TAOK1: variants seen among roughly 807,000 people sequenced by gnomAD.
TAOK1 encodes the protein TAO kinase 1.
Under a neutral mutation model 138.3 loss-of-function variants are expected in TAOK1, and 21 were observed. That is an observed-to-expected ratio of 0.15 (90% confidence interval 0.11 to 0.22). The LOEUF is 0.22. Among genes scored for constraint, TAOK1 ranks in the 10% least tolerant of loss-of-function variants. The pLI is 1.00. For synonymous variants in TAOK1, 361 were observed against 398.4 expected, an observed-to-expected ratio of 0.91 and a Z score of 1.12; for missense variants, 651 against 1,227.7, an observed-to-expected ratio of 0.53 and a Z score of 7.02.
rs1248459926 is a variant in TAOK1 at position 29,542,658 on chromosome 17, A to G, written c.2642A>G (p.Glu881Gly). The change falls in exon 20 of 20, where the codon GAA (glutamate) becomes GGA (glycine). Residue 881 changes from glutamate (E) to glycine (G), a missense_variant. Glu to Gly is a moderately conservative substitution (Grantham distance 98). Around this residue, in one of 8 missense-constraint regions of TAOK1, gnomAD observed 258 missense variants for 548.9 expected, o/e 0.47. Coordinates refer to ENST00000261716, the MANE Select transcript of TAOK1 (RefSeq NM_020791.4). The part of the protein sequence containing the change: ...QAREIEAFDS[E>G]SMRLGFSNMV... ...AGAGAGATTGAAGCTTTTGACTCTG[A>G]AAGCATGAGACTAGGTTTTAGTAAT... 6.2e-7 allele frequency: 1 copy of G among 1,614,264 alleles called. No homozygotes were observed. The highest frequency in any genetic ancestry group is 8.5e-7 in the Non-Finnish European group (1 of 1,180,046).
chr17:29,475,426 A>C (rs1036444333), intron 3 of TAOK1, among the ~76,000 whole-genome samples: 1 of 151,988 alleles, frequency 6.6e-6, no homozygotes, highest in Non-Finnish European at 1.5e-5. Flanking sequence ...TGTAGACCCA[A>C]ATACTTGGGA....
At chr17:29,482,474 A>G (rs2031084540) in intron 8 of TAOK1, among the ~76,000 whole-genome samples, 186 bp downstream of exon 8, 2 of 152,158 alleles carry the variant, frequency 1.3e-5, no homozygotes. Flanking sequence ...TACCTATATT[A>G]TATTTGCTCT....
chr17:29,450,493 C>T (rs2030203526), intron 1 of TAOK1, among the ~76,000 whole-genome samples: 1 of 151,940 alleles, frequency 6.6e-6, no homozygotes. Flanking sequence ...TCCAAAGCCT[C>T]TTAATTATGA....
chr17:29,541,115 G>A (rs11872076), intron 19 of TAOK1, among the ~76,000 whole-genome samples: 5 of 64,768 alleles, frequency 7.7e-5, no homozygotes, highest in Admixed American at 1.5e-4. Context: ...TTGTTTATTT[G>A]TTTGTTTGTT....
chr17:29,397,607 C>CCAAAA (rs60665025), intron 1 of TAOK1, among the ~76,000 whole-genome samples: 21 of 94,610 alleles, frequency 2.2e-4, no homozygotes, highest in African/African-American at 9.6e-4. Flanking sequence ...CGTCCCCCCC[C>CCAAAA]AAAAAAATAT....
At chr17:29,394,784 C>A (rs111823436) in intron 1 of TAOK1, among the ~76,000 whole-genome samples, 3 of 152,088 alleles carry the variant, frequency 2.0e-5, no homozygotes, top group Admixed American at 6.6e-5. Context: ...CATATGTGAA[C>A]GAATCCCTTC....
At chr17:29,401,126 G>A in intron 1 of TAOK1, among the ~76,000 whole-genome samples, 1 of 151,972 alleles carries the variant, frequency 6.6e-6, no homozygotes, top group Non-Finnish European at 1.5e-5. Flanking sequence ...TGTTGCCCAG[G>A]ATGGTCTCAA....
Position 29,534,305 on chromosome 17 carries a change from A to G in TAOK1, c.2544+5A>G, listed in dbSNP as rs79913657. ...AGGGCACTCTTAGAACAAAAGGTATAAGTAATAGAAGGAAAAATCATTGTT... is the reference window on the plus strand; with the variant it reads ...AGGGCACTCTTAGAACAAAAGGTATGAGTAATAGAAGGAAAAATCATTGTT... On this transcript the variant is annotated splice_donor_5th_base_variant and intron_variant, in intron 19 of 19. Transcript: ENST00000261716. 5,661 of 1,530,902 alleles carry G rather than the reference A, an allele frequency of 3.7e-3. 12 individuals are homozygous for G. The highest frequency in any genetic ancestry group is 4.4e-3 in the Non-Finnish European group (5,024 of 1,139,508). 94.8% of individuals were successfully genotyped at this position (1,530,902 alleles called of 1,614,324 possible). A position where few individuals can be genotyped will look rare whatever the true frequency, so the allele number is the denominator to read the frequency against.
intron 2 of TAOK1, among the ~76,000 whole-genome samples, chr17:29,462,903 C>T (rs571879067): frequency 1.3e-5 from 2 of 152,044 alleles, no homozygotes; most frequent in Non-Finnish European, 2.9e-5. Context: ...TGTTTTTGCT[C>T]TTTTTCTCTC....
At chr17:29,530,868 C>G in intron 18 of TAOK1, 1 of 506,536 alleles carries the variant, frequency 2.0e-6, no homozygotes, top group Non-Finnish European at 3.6e-6. Context: ...ATCCTAACAC[C>G]TTATTGAGAT....
intron 1 of TAOK1, among the ~76,000 whole-genome samples, chr17:29,404,941 T>C (rs1284005753): frequency 6.6e-6 from 1 of 152,228 alleles, no homozygotes; most frequent in Non-Finnish European, 1.5e-5. Flanking sequence ...TCTATTTTAT[T>C]CAAATGGCAC....
At chr17:29,501,238 A>AAAAAG (rs1195591512) in intron 12 of TAOK1, among the ~76,000 whole-genome samples, 15 of 142,386 alleles carry the variant, frequency 1.1e-4, no homozygotes, top group East Asian at 5.9e-4. Context: ...AAAAAAAAAA[A>AAAAAG]AAAAGAAAAG....
At chr17:29,463,308 G>A (rs1182295786) in intron 2 of TAOK1, among the ~76,000 whole-genome samples, 1 of 152,148 alleles carries the variant, frequency 6.6e-6, no homozygotes, top group African/African-American at 2.4e-5. Flanking sequence ...GGTGGGTCAT[G>A]CCTGTAATCC....
intron 1 of TAOK1, among the ~76,000 whole-genome samples, chr17:29,428,940 G>A (rs1447867504): frequency 1.3e-5 from 2 of 151,904 alleles, no homozygotes; most frequent in Non-Finnish European, 2.9e-5. Context: ...CCCCAGTTAT[G>A]AGAATTAAAT....
intron 2 of TAOK1, among the ~76,000 whole-genome samples, chr17:29,454,175 C>G (rs955887385): frequency 3.9e-5 from 6 of 152,022 alleles, no homozygotes; most frequent in African/African-American, 1.4e-4. Flanking sequence ...GTTAAAGAGA[C>G]TGTTATTTCC....
At chr17:29,490,778 C>G (rs1280571876) in intron 9 of TAOK1, among the ~76,000 whole-genome samples, 3 of 152,114 alleles carry the variant, frequency 2.0e-5, no homozygotes, top group African/African-American at 7.2e-5. Context: ...CTGGGAAGTC[C>G]AGGACCAAGG....
intron 1 of TAOK1, among the ~76,000 whole-genome samples, chr17:29,405,019 G>C (rs1598466221): frequency 6.6e-6 from 1 of 152,172 alleles, no homozygotes; most frequent in Admixed American, 6.5e-5. Context: ...TGCTCTTGTT[G>C]CCCAGGCTGG....
chr17:29,496,670 C>T (rs2031421437), intron 11 of TAOK1, among the ~76,000 whole-genome samples: 1 of 144,376 alleles, frequency 6.9e-6, no homozygotes, highest in Non-Finnish European at 1.5e-5. Context: ...TCACTGCAAT[C>T]TCCACCTCCC....
At chr17:29,517,683 AAT>A in intron 16 of TAOK1, 27 bp downstream of exon 16, 5 of 1,571,764 alleles carry the variant, frequency 3.2e-6, no homozygotes, top group Non-Finnish European at 3.4e-6. Context: ...AGAAATTTTA[AAT>A]CCTTTATCAA....
Sources: allele counts gnomAD v4.1 joint callset (sites outside exome capture counted in the v4.1 genomes callset), GRCh38; gene constraint gnomAD v4.1.1; regional missense constraint gnomAD v4.1.1; transcripts MANE v1.5; gene names NCBI Gene and HGNC (gene_info 2026-07-23, HGNC 2026-07-21).